Variants in RIT2 observed in about 807,000 individuals in gnomAD.
RIT2 encodes the protein Ras like without CAAX 2.
In RIT2, 24 loss-of-function variants were observed where a neutral mutation model predicts 23.7. That is an observed-to-expected ratio of 1.01 (90% CI 0.73 to 1.43). RIT2 has a LOEUF of 1.43. Among genes scored for constraint, RIT2 ranks in the 40% most tolerant of loss-of-function variants. RIT2 has a pLI of 0.00. For synonymous variants in RIT2, 107 were observed against 91.1 expected (o/e 1.17, Z -0.99); for missense variants, 236 against 266.9 (o/e 0.88, Z 0.81).
chr18:43,028,491 C>T (rs899292109), intron 2 of RIT2, among the ~76,000 whole-genome samples: 1 of 151,958 alleles, frequency 6.6e-6, no homozygotes, highest in Non-Finnish European at 1.5e-5. Context: ...AGGATGAAGG[C>T]AGAATTCAAT....
chr18:42,818,839 CAGTT>C (rs1469397680), intron 4 of RIT2, among the ~76,000 whole-genome samples: 4 of 151,948 alleles, frequency 2.6e-5, no homozygotes, highest in Admixed American at 6.6e-5. Flanking sequence ...ATCCAGTTGA[CAGTT>C]AGAATTGATC....
At chr18:42,793,451 T>C (rs1433336023) in intron 4 of RIT2, among the ~76,000 whole-genome samples, 11 of 152,210 alleles carry the variant, frequency 7.2e-5, no homozygotes, top group East Asian at 3.9e-4. Flanking sequence ...AGCTATTACA[T>C]AAATCCTATT....
At chr18:43,096,374 G>C (rs537008270) in intron 1 of RIT2, among the ~76,000 whole-genome samples, 1 of 151,718 alleles carries the variant, frequency 6.6e-6, no homozygotes. Context: ...AGATTTAGAG[G>C]GGTGTAGACT....
intron 4 of RIT2, among the ~76,000 whole-genome samples, chr18:42,751,804 G>T (rs1247185196): frequency 6.6e-6 from 1 of 151,848 alleles, no homozygotes; most frequent in Non-Finnish European, 1.5e-5. Flanking sequence ...ATTATACTTA[G>T]TAAAATATTT....
At chr18:43,104,759 C>T (rs1913768779) in intron 1 of RIT2, among the ~76,000 whole-genome samples, 1 of 152,000 alleles carries the variant, frequency 6.6e-6, no homozygotes, top group Non-Finnish European at 1.5e-5. Flanking sequence ...GAAGTTTTTA[C>T]AATTTCAAAT....
Position 42,824,375 on chromosome 18 carries a change from T to C in RIT2, c.427-80655A>G, listed in dbSNP as rs142644103. Among the ~76,000 whole-genome samples the C allele has an allele frequency of 1.3e-3, 199 of 152,192 alleles. 2 individuals carry two copies. The highest frequency in any genetic ancestry group is 4.4e-3 in the African/African-American group (182 of 41,566). ...CAACAAGGAATGACTTATGAAGATG[T>C]GTTCCACTTTCATTACCACTGTCCA... On this transcript the variant is annotated intron_variant, in intron 4 of 4. Transcript: ENST00000326695.
intron 3 of RIT2, among the ~76,000 whole-genome samples, chr18:42,953,765 A>G (rs960791502): frequency 3.3e-5 from 5 of 152,156 alleles, no homozygotes; most frequent in African/African-American, 1.2e-4. Flanking sequence ...AAAATATTTC[A>G]GTTATCATTT....
At chr18:43,023,409 A>G (rs557785300) in intron 2 of RIT2, among the ~76,000 whole-genome samples, 9 of 152,186 alleles carry the variant, frequency 5.9e-5, no homozygotes, top group African/African-American at 2.2e-4. Flanking sequence ...CAAAGTCTAG[A>G]TGTCCTTATC....
intron 2 of RIT2, among the ~76,000 whole-genome samples, chr18:42,993,949 C>A (rs1056014753): frequency 4.6e-5 from 7 of 152,076 alleles, no homozygotes; most frequent in African/African-American, 1.7e-4. Context: ...AGCCTATAAA[C>A]TCTCCTTACA....
At chr18:42,857,779 C>G (rs2144045241) in intron 4 of RIT2, among the ~76,000 whole-genome samples, 1 of 152,278 alleles carries the variant, frequency 6.6e-6, no homozygotes, top group South Asian at 2.1e-4. Flanking sequence ...GGACAGGTTG[C>G]AGGCCAAAAG....
intron 3 of RIT2, among the ~76,000 whole-genome samples, chr18:42,958,354 G>T (rs1037266901): frequency 2.0e-5 from 3 of 152,166 alleles, no homozygotes; most frequent in African/African-American, 4.8e-5. Context: ...TACCCTTCTG[G>T]TGCCTACACA....
chr18:42,842,583 T>G (rs763173246), intron 4 of RIT2, among the ~76,000 whole-genome samples: 7 of 152,152 alleles, frequency 4.6e-5, no homozygotes, highest in Non-Finnish European at 1.0e-4. Context: ...GAGCTAAGAC[T>G]TTAATAGGAC....
intron 1 of RIT2, among the ~76,000 whole-genome samples, chr18:43,087,844 C>T (rs770530501): frequency 3.3e-5 from 5 of 152,172 alleles, no homozygotes. Context: ...CCAGCACAAA[C>T]AGCACTAGTC....
At position 43,115,635 on chromosome 18, in the gene RIT2, G is replaced by C. The variant is rs758779733; in HGVS notation, c.-116C>G. ...AAGCAAAGGTTTTAGTACGAGGTAAGAACCATCAGCGTCGGGCTGGCTGCT... is the reference window on the plus strand; with the variant it reads ...AAGCAAAGGTTTTAGTACGAGGTAACAACCATCAGCGTCGGGCTGGCTGCT... On this transcript the variant is annotated 5_prime_UTR_variant, in exon 1 of 5. Coordinates refer to ENST00000326695, the MANE Select transcript of RIT2 (RefSeq NM_002930.4). 1.5e-5 allele frequency: 21 copies of C among 1,410,160 alleles called. No individual in the cohort carries two copies. The highest frequency in any genetic ancestry group is 4.2e-4 in the Middle Eastern group (2 of 4,710). 87.4% of individuals were successfully genotyped at this position (1,410,160 alleles called of 1,614,324 possible).
intron 1 of RIT2, among the ~76,000 whole-genome samples, chr18:43,039,349 CTT>C (rs1251475840): frequency 9.0e-5 from 12 of 133,230 alleles, no homozygotes; most frequent in Admixed American, 1.5e-4. Context: ...TTTTTCTTTT[CTT>C]TTTTTTTTTT....
At chr18:42,919,497 T>A (rs569056859) in intron 4 of RIT2, among the ~76,000 whole-genome samples, 74 of 152,214 alleles carry the variant, frequency 4.9e-4, no homozygotes, top group Middle Eastern at 3.4e-3. Flanking sequence ...GAGGATCACC[T>A]GAGGTCAGGA....
intron 1 of RIT2, among the ~76,000 whole-genome samples, chr18:43,049,409 G>C (rs1912324364): frequency 6.6e-6 from 1 of 152,086 alleles, no homozygotes; most frequent in Non-Finnish European, 1.5e-5. Flanking sequence ...TACTAGATAT[G>C]TTCTTTTTAT....
chr18:42,886,735 A>G (rs764523947), intron 4 of RIT2, among the ~76,000 whole-genome samples: 2 of 152,224 alleles, frequency 1.3e-5, no homozygotes, highest in Non-Finnish European at 2.9e-5. Context: ...ACCAATGCAG[A>G]AAATGACAGA....
At chr18:42,816,668 C>CAAGG (rs1355457979) in intron 4 of RIT2, among the ~76,000 whole-genome samples, 1 of 152,064 alleles carries the variant, frequency 6.6e-6, no homozygotes, top group Non-Finnish European at 1.5e-5. Flanking sequence ...AACAGCAAGG[C>CAAGG]AAGGCCCTAT....
Sources: gnomAD v4.1 joint callset for allele counts (sites outside exome capture counted in the v4.1 genomes callset) on GRCh38, gnomAD v4.1.1 for gene constraint, MANE v1.5 for transcripts, NCBI Gene and HGNC (gene_info 2026-07-23, HGNC 2026-07-21) for gene names.